C9orf153: variants seen among roughly 807,000 people sequenced by gnomAD.
C9orf153 encodes chromosome 9 open reading frame 153, also known as uncharacterized protein C9orf153.
C9orf153 carries 10 observed loss-of-function variants against 9.0 expected under a neutral mutation model. The ratio of observed to expected loss-of-function variants is 1.11; its 90% confidence interval spans 0.69 to 1.89. The LOEUF is 1.89. Among genes scored for constraint, C9orf153 ranks in the 40% most tolerant of loss-of-function variants. The pLI is 0.00. For synonymous variants in C9orf153, 35 were observed against 37.3 expected, an observed-to-expected ratio of 0.94 and a Z score of 0.23; for missense variants, 108 against 111.0, an observed-to-expected ratio of 0.97 and a Z score of 0.12.
chr9:86,258,875 T>G (rs1443501270), intron 1 of C9orf153, among the ~76,000 whole-genome samples: 1 of 151,968 alleles, frequency 6.6e-6, no homozygotes, highest in Non-Finnish European at 1.5e-5. Flanking sequence ...TGTGGTACGT[T>G]TGTTATACTT....
chr9:86,229,065 T>A (rs1824403702), intron 2 of C9orf153: 1 of 166,760 alleles, frequency 6.0e-6, no homozygotes, highest in African/African-American at 2.4e-5. Flanking sequence ...CCCCAAATTG[T>A]GTATCTGTCT....
intron 1 of C9orf153, among the ~76,000 whole-genome samples, chr9:86,238,960 T>C (rs1320439693): frequency 1.1e-4 from 16 of 146,344 alleles, no homozygotes; most frequent in Admixed American, 1.1e-3. Context: ...TCTATTTCTG[T>C]AAAAAAAAAA....
At chr9:86,240,380 T>A (rs2131191649) in intron 1 of C9orf153, among the ~76,000 whole-genome samples, 1 of 150,046 alleles carries the variant, frequency 6.7e-6, no homozygotes, top group South Asian at 2.1e-4. Flanking sequence ...TCTTTTCCTT[T>A]TTTTTTTTTT....
intron 1 of C9orf153, among the ~76,000 whole-genome samples, chr9:86,243,712 G>C (rs1022977907): frequency 6.6e-6 from 1 of 152,158 alleles, no homozygotes; most frequent in African/African-American, 2.4e-5. Flanking sequence ...CAGGCTTCCA[G>C]CACCATCTGG....
chr9:86,237,139 A>G (rs1824614461), intron 1 of C9orf153, among the ~76,000 whole-genome samples: 2 of 152,088 alleles, frequency 1.3e-5, no homozygotes, highest in Non-Finnish European at 2.9e-5. Flanking sequence ...GTAAACATAT[A>G]CTGCAAACTC....
intron 1 of C9orf153, among the ~76,000 whole-genome samples, chr9:86,244,761 T>A (rs1824828769): frequency 6.6e-6 from 1 of 152,124 alleles, no homozygotes; most frequent in African/African-American, 2.4e-5. Context: ...CCCTCCCTAA[T>A]CCCAGGGATA....
chr9:86,222,091 T>A (rs184002929), intron 3 of C9orf153, among the ~76,000 whole-genome samples: 1 of 152,234 alleles, frequency 6.6e-6, no homozygotes, highest in African/African-American at 2.4e-5. Context: ...TTTCACCATG[T>A]TGGCCAGGCT....
At position 86,227,889 on chromosome 9, in the gene C9orf153, C is replaced by A. The variant is rs73650939; in HGVS notation, c.208G>T (p.Ala70Ser). 9.9e-6 allele frequency: 16 copies of A among 1,613,514 alleles called. No individual in the cohort carries two copies. Among genetic ancestry groups the A allele is most frequent in the Non-Finnish European group, 1.4e-5 (16 of 1,179,770 alleles). ...NLNVMSFTRG[A>S]DVRGDLQPVI... The stretch of plus-strand genomic sequence containing the variant: ...GGTTGGAGATCTCCTCTCACATCAG[C>A]GCCCCTGGTGAATGACATGACATTC... Residue 70 changes from alanine to serine, a missense_variant, in exon 3 of 4, where the codon GCT (alanine) becomes TCT (serine). Coordinates refer to ENST00000339137, the MANE Select transcript of C9orf153 (RefSeq NM_001276366.4).
At position 86,227,891 on chromosome 9, in the gene C9orf153, C is replaced by A; in HGVS notation, c.206G>T (p.Gly69Val). The change falls in exon 3 of 4, where the codon GGC (glycine) becomes GTC (valine). Residue 69 changes from glycine to valine, a missense_variant. By Grantham distance (109) the Gly-to-Val change is moderately radical. Coordinates refer to ENST00000339137, the MANE Select transcript of C9orf153 (RefSeq NM_001276366.4). ...TTGGAGATCTCCTCTCACATCAGCG[C>A]CCCTGGTGAATGACATGACATTCAG... ...RNLNVMSFTR[G>V]ADVRGDLQPV... The A allele has an allele frequency of 1.9e-6, 3 of 1,613,686 alleles. No individual in the cohort carries two copies. Among genetic ancestry groups the A allele is most frequent in the Non-Finnish European group, 2.5e-6 (3 of 1,179,826 alleles).
At chr9:86,243,207 C>CT in intron 1 of C9orf153, among the ~76,000 whole-genome samples, 1 of 152,152 alleles carries the variant, frequency 6.6e-6, no homozygotes, top group Non-Finnish European at 1.5e-5. Context: ...ATGACAGGCC[C>CT]TTTGGGAACA....
intron 1 of C9orf153, among the ~76,000 whole-genome samples, chr9:86,240,673 C>G (rs188208644): frequency 6.7e-6 from 1 of 150,106 alleles, no homozygotes; most frequent in African/African-American, 2.4e-5. Context: ...CCACCGCAAC[C>G]GCACTAATTT....
intron 3 of C9orf153, among the ~76,000 whole-genome samples, chr9:86,225,590 C>G (rs1038705659): frequency 6.6e-6 from 1 of 152,114 alleles, no homozygotes; most frequent in Non-Finnish European, 1.5e-5. Flanking sequence ...TCCCAAGTAG[C>G]TGGGATTACA....
At chr9:86,234,901 T>G (rs1339828004) in intron 1 of C9orf153, among the ~76,000 whole-genome samples, 1 of 152,190 alleles carries the variant, frequency 6.6e-6, no homozygotes, top group Non-Finnish European at 1.5e-5. Context: ...ACTTCTAGTG[T>G]GGCTTCTCCT....
At chr9:86,226,362 C>G (rs1051503238) in intron 3 of C9orf153, among the ~76,000 whole-genome samples, 1 of 151,946 alleles carries the variant, frequency 6.6e-6, no homozygotes, top group South Asian at 2.1e-4. Flanking sequence ...TGCTCTGTTC[C>G]CCAGGCTGGA....
chr9:86,254,090 CAA>C (rs35119532), intron 1 of C9orf153, among the ~76,000 whole-genome samples: 25,147 of 108,378 alleles, frequency 0.23, 2,157 homozygotes, highest in East Asian at 0.37. Context: ...GACTCCATTT[CAA>C]AAAAAAAAAA....
At chr9:86,244,899 AG>A (rs769305459) in intron 1 of C9orf153, among the ~76,000 whole-genome samples, 2 of 152,214 alleles carry the variant, frequency 1.3e-5, no homozygotes, top group Non-Finnish European at 2.9e-5. Context: ...CGTAAACAAA[AG>A]CATCCTATAG....
chr9:86,235,246 C>T (rs1824555291), intron 1 of C9orf153, among the ~76,000 whole-genome samples: 1 of 152,098 alleles, frequency 6.6e-6, no homozygotes, highest in Admixed American at 6.6e-5. Flanking sequence ...GTGCTAAGGA[C>T]TCTCATGGGA....
chr9:86,229,802 G>A (rs1404169839), intron 1 of C9orf153, among the ~76,000 whole-genome samples, 173 bp from the exon 2 acceptor site: 2 of 152,054 alleles, frequency 1.3e-5, no homozygotes, highest in Non-Finnish European at 2.9e-5. Context: ...TCTGAAACTG[G>A]GTAATTTATA....
At chr9:86,224,384 A>G (rs1164842907) in intron 3 of C9orf153, among the ~76,000 whole-genome samples, 1 of 152,018 alleles carries the variant, frequency 6.6e-6, no homozygotes, top group Non-Finnish European at 1.5e-5. Flanking sequence ...CTCAAAAAAA[A>G]AAAATTAAAA....
Sources: gnomAD v4.1 joint callset for allele counts (sites outside exome capture counted in the v4.1 genomes callset) on GRCh38, gnomAD v4.1.1 for gene constraint, MANE v1.5 for transcripts, NCBI Gene and HGNC (gene_info 2026-07-23, HGNC 2026-07-21) for gene names.